The following GRIN3A variants were observed in gnomAD, a reference collection of about 807,000 sequenced individuals.
The protein encoded by GRIN3A is glutamate ionotropic receptor NMDA type subunit 3A.
In GRIN3A, 47 loss-of-function variants were observed where a neutral mutation model predicts 92.4. The ratio of observed to expected loss-of-function variants is 0.51; its 90% confidence interval spans 0.40 to 0.65. The LOEUF is 0.65. GRIN3A is among the 30% of genes least tolerant of loss of function. GRIN3A has a pLI of 0.00. For missense variants in GRIN3A, 1,324 were observed against 1,393.1 expected, an observed-to-expected ratio of 0.95 and a Z score of 0.79; for synonymous variants, 527 against 540.6, an observed-to-expected ratio of 0.97 and a Z score of 0.35.
At chr9:101,710,846 T>C (rs182453227) in intron 1 of GRIN3A, among the ~76,000 whole-genome samples, 10 of 152,342 alleles carry the variant, frequency 6.6e-5, no homozygotes, top group African/African-American at 2.4e-4. Context: ...TGTCTGATTT[T>C]GACTGTTTAG....
chr9:101,641,603 G>C (rs1267371670), intron 3 of GRIN3A, among the ~76,000 whole-genome samples: 1 of 151,832 alleles, frequency 6.6e-6, no homozygotes, highest in Non-Finnish European at 1.5e-5. Context: ...ACACAGGAAG[G>C]GGAACATCAC....
intron 1 of GRIN3A, among the ~76,000 whole-genome samples, chr9:101,714,169 A>G (rs1829915599): frequency 6.6e-6 from 1 of 152,236 alleles, no homozygotes; most frequent in Admixed American, 6.5e-5. Context: ...TTTAGAAGCC[A>G]AAAGAAAATT....
Position 101,594,681 on chromosome 9 carries a change from G to A in GRIN3A, c.2767-15321C>T, listed in dbSNP as rs775007740. 3 of 1,614,140 alleles carry A rather than the reference G, an allele frequency of 1.9e-6. No individual in the cohort carries two copies. In the East Asian group the frequency reaches 6.7e-5, roughly 36 times the overall value. The stretch of plus-strand genomic sequence containing the variant: ...TCCTCGTCGCCCTTGACGCTGAACT[G>A]GGAGGTCCCCAGGATGAATTCCTTG... On this transcript the variant is annotated intron_variant, in intron 6 of 8. Transcript: ENST00000361820.
chr9:101,593,769 G>A (rs2118812552), intron 6 of GRIN3A: 1 of 152,444 alleles, frequency 6.6e-6, no homozygotes, highest in Non-Finnish European at 1.5e-5. Flanking sequence ...GCTAGTTTCT[G>A]TTCAGGAGCT....
At chr9:101,668,752 T>C (rs1829274553) in intron 3 of GRIN3A, among the ~76,000 whole-genome samples, 1 of 152,148 alleles carries the variant, frequency 6.6e-6, no homozygotes, top group South Asian at 2.1e-4. Flanking sequence ...GTTTGCAATA[T>C]ATGGGTCAAA....
Position 101,738,201 on chromosome 9 carries a change from T to G in GRIN3A, c.-222A>C. 8.3e-6 allele frequency: 5 copies of G among 602,202 alleles called. No individual in the cohort carries two copies. The highest frequency in any genetic ancestry group is 2.9e-5 in the East Asian group (1 of 34,452). The allele number at this position is 602,202 out of a possible 1,614,324, so 37.3% of individuals were successfully genotyped here. ...CCAGGTCCCTCCGCCTGGCATCCTCTGCCCGCCCGGTCACTGCGCTGAGCA... is the reference window on the plus strand; with the variant it reads ...CCAGGTCCCTCCGCCTGGCATCCTCGGCCCGCCCGGTCACTGCGCTGAGCA... On this transcript the variant is annotated 5_prime_UTR_variant, in exon 1 of 9. Coordinates refer to ENST00000361820, the MANE Select transcript of GRIN3A (RefSeq NM_133445.3).
At chr9:101,578,682 C>G (rs1032592760) in intron 7 of GRIN3A, among the ~76,000 whole-genome samples, 8 of 152,288 alleles carry the variant, frequency 5.3e-5, no homozygotes, top group African/African-American at 1.9e-4. Flanking sequence ...TTTCAGTTCT[C>G]CCTGTAAATC....
chr9:101,596,354 T>A (rs112548879), intron 6 of GRIN3A, among the ~76,000 whole-genome samples: 1,559 of 152,334 alleles, frequency 0.01, 30 homozygotes, highest in African/African-American at 0.035. Context: ...GAATGTTTTT[T>A]TGTTTCATTT....
At chr9:101,580,833 G>A (rs1336852764) in intron 6 of GRIN3A, among the ~76,000 whole-genome samples, 1 of 152,168 alleles carries the variant, frequency 6.6e-6, no homozygotes, top group Non-Finnish European at 1.5e-5. Context: ...CAAAGCCTGG[G>A]CTCTTTCTGC....
intron 2 of GRIN3A, among the ~76,000 whole-genome samples, chr9:101,681,207 G>A (rs1462159832): frequency 1.3e-5 from 2 of 152,150 alleles, no homozygotes; most frequent in Non-Finnish European, 2.9e-5. Flanking sequence ...AATGCAGCAA[G>A]GGAGTAAATG....
At position 101,659,465 on chromosome 9, in the gene GRIN3A, TAC is replaced by T. The variant is rs1829140994; in HGVS notation, c.2352+10593_2352+10594del. ...TAGAAAGTATCTATGTATTTATTTA[TAC>T]ATAGAAAGTATCTATGTATTTATTT... On this transcript the variant is annotated intron_variant, in intron 3 of 8. Coordinates refer to ENST00000361820, the MANE Select transcript of GRIN3A (RefSeq NM_133445.3). Among the ~76,000 whole-genome samples the T allele has an allele frequency of 9.2e-5, 4 of 43,576 alleles. 2 individuals are homozygous for T. Among genetic ancestry groups the T allele is most frequent in the Admixed American group, 5.4e-4 (2 of 3,678 alleles). The allele number at this position is 43,576 out of a possible 152,430, so 28.6% of individuals were successfully genotyped here.
intron 1 of GRIN3A, among the ~76,000 whole-genome samples, chr9:101,689,944 T>C (rs1829593722): frequency 6.6e-6 from 1 of 152,162 alleles, no homozygotes; most frequent in Admixed American, 6.5e-5. Flanking sequence ...TGAAAGAAGA[T>C]ATAAAGATTT....
chr9:101,665,844 C>T (rs1472107515), intron 3 of GRIN3A, among the ~76,000 whole-genome samples: 1 of 151,906 alleles, frequency 6.6e-6, no homozygotes, highest in Non-Finnish European at 1.5e-5. Context: ...AAGGCAAAAA[C>T]TGCAATTACT....
intron 6 of GRIN3A, among the ~76,000 whole-genome samples, chr9:101,605,359 T>C (rs1166549717): frequency 6.6e-6 from 1 of 152,224 alleles, no homozygotes; most frequent in Non-Finnish European, 1.5e-5. Flanking sequence ...ATAAAATATC[T>C]CAGTTTTGCA....
chr9:101,685,658 G>A (rs1829524526), intron 2 of GRIN3A, among the ~76,000 whole-genome samples: 1 of 151,272 alleles, frequency 6.6e-6, no homozygotes, highest in Non-Finnish European at 1.5e-5. Flanking sequence ...TCTAGTTTCT[G>A]AATCATATTG....
intron 1 of GRIN3A, among the ~76,000 whole-genome samples, chr9:101,721,454 G>A (rs1263268808): frequency 2.6e-5 from 4 of 152,160 alleles, no homozygotes; most frequent in South Asian, 2.1e-4. Context: ...AGAGTGGGGC[G>A]TTGCTGAAAA....
chr9:101,642,897 G>A (rs951845260), intron 3 of GRIN3A, among the ~76,000 whole-genome samples: 1 of 152,110 alleles, frequency 6.6e-6, no homozygotes, highest in Non-Finnish European at 1.5e-5. Context: ...ACCCCCAGAT[G>A]GGATCACCTA....
At chr9:101,683,915 G>T (rs1829496987) in intron 2 of GRIN3A, among the ~76,000 whole-genome samples, 2 of 151,496 alleles carry the variant, frequency 1.3e-5, no homozygotes, top group South Asian at 4.2e-4. Context: ...AAATCATCCA[G>T]TATTTATGTA....
intron 6 of GRIN3A, among the ~76,000 whole-genome samples, chr9:101,600,399 TTG>T (rs1828196190): frequency 6.6e-6 from 1 of 152,208 alleles, no homozygotes; most frequent in African/African-American, 2.4e-5. Context: ...ACTTTTCTTG[TTG>T]TCCCTGTTCT....
Sources: allele counts gnomAD v4.1 joint callset (sites outside exome capture counted in the v4.1 genomes callset), GRCh38; gene constraint gnomAD v4.1.1; transcripts MANE v1.5; gene names NCBI Gene and HGNC (gene_info 2026-07-23, HGNC 2026-07-21).